IGSF21: variants seen among roughly 807,000 people sequenced by gnomAD.
The protein encoded by IGSF21 is immunoglobulin superfamily member 21.
Under a neutral mutation model 46.8 loss-of-function variants are expected in IGSF21, and 28 were observed. The ratio of observed to expected loss-of-function variants is 0.60; its 90% CI spans 0.44 to 0.82. The LOEUF (loss-of-function observed/expected upper bound fraction) is 0.82. Among genes scored for constraint, IGSF21 ranks in the 40% least tolerant of loss-of-function variants. The pLI is 0.00. For missense variants in IGSF21, 624 were observed against 665.5 expected, an observed-to-expected ratio of 0.94 and a Z score of 0.69; for synonymous variants, 284 against 273.6, an observed-to-expected ratio of 1.04 and a Z score of -0.38.
chr1:18,372,853 GAT>G (rs1372952513), intron 6 of IGSF21, among the ~76,000 whole-genome samples: 2,074 of 94,670 alleles, frequency 0.022, 42 homozygotes, highest in African/African-American at 0.094. Context: ...TGGATGGATG[GAT>G]GGATGGATGG....
At chr1:18,358,578 A>G (rs1394690120) in intron 4 of IGSF21, among the ~76,000 whole-genome samples, 1 of 152,214 alleles carries the variant, frequency 6.6e-6, no homozygotes, top group African/African-American at 2.4e-5. Flanking sequence ...GAATGCTCCA[A>G]AGGTACGACC....
chr1:18,159,988 T>C (rs2086602926), intron 1 of IGSF21, among the ~76,000 whole-genome samples: 1 of 152,202 alleles, frequency 6.6e-6, no homozygotes, highest in Non-Finnish European at 1.5e-5. Flanking sequence ...GCCCTGGGTA[T>C]GTCTTTATTA....
At chr1:18,266,710 G>C in intron 2 of IGSF21, among the ~76,000 whole-genome samples, 1 of 152,228 alleles carries the variant, frequency 6.6e-6, no homozygotes, top group East Asian at 1.9e-4. Flanking sequence ...CCAGGTCCAA[G>C]GAGCAGAGAA....
intron 4 of IGSF21, among the ~76,000 whole-genome samples, chr1:18,357,044 G>T (rs1420922695): frequency 6.6e-6 from 1 of 151,768 alleles, no homozygotes; most frequent in Non-Finnish European, 1.5e-5. Context: ...GATGGGGAAG[G>T]GGATGTGGAT....
At chr1:18,176,531 G>A (rs1375227213) in intron 1 of IGSF21, among the ~76,000 whole-genome samples, 1 of 152,202 alleles carries the variant, frequency 6.6e-6, no homozygotes, top group Non-Finnish European at 1.5e-5. Context: ...AATCTAATAA[G>A]TAGGGCATCT....
intron 2 of IGSF21, among the ~76,000 whole-genome samples, chr1:18,265,411 A>T (rs76908160): frequency 0.033 from 5,042 of 152,192 alleles, 285 homozygotes; most frequent in African/African-American, 0.11. Flanking sequence ...TCAGGCAAAA[A>T]TTCTCACCTC....
chr1:18,148,496 A>T (rs2086491318), intron 1 of IGSF21, among the ~76,000 whole-genome samples: 1 of 152,204 alleles, frequency 6.6e-6, no homozygotes, highest in South Asian at 2.1e-4. Context: ...GGAGAAGCTA[A>T]GTCACTTGCC....
chr1:18,371,665 T>C (rs555631055), intron 6 of IGSF21, among the ~76,000 whole-genome samples: 15 of 152,062 alleles, frequency 9.9e-5, no homozygotes, highest in African/African-American at 3.4e-4. Context: ...AAAAAATAAA[T>C]ATCCATTGAT....
intron 2 of IGSF21, among the ~76,000 whole-genome samples, chr1:18,275,394 A>C (rs189425065): frequency 5.3e-5 from 8 of 152,294 alleles, no homozygotes; most frequent in Non-Finnish European, 1.2e-4. Context: ...TTCCCGTCTC[A>C]GCAATCCCGT....
chr1:18,124,617 G>A (rs1356605693), intron 1 of IGSF21, among the ~76,000 whole-genome samples: 4 of 152,132 alleles, frequency 2.6e-5, no homozygotes, highest in African/African-American at 4.8e-5. Context: ...AGGTGGCCCC[G>A]GACCCCGTGG....
chr1:18,162,066 T>C (rs1263215494), intron 1 of IGSF21, among the ~76,000 whole-genome samples: 1 of 152,080 alleles, frequency 6.6e-6, no homozygotes, highest in African/African-American at 2.4e-5. Flanking sequence ...TGAGACAGGG[T>C]GTCACTCTAT....
intron 1 of IGSF21, among the ~76,000 whole-genome samples, chr1:18,132,967 C>G (rs1362873187): frequency 1.3e-5 from 2 of 150,110 alleles, no homozygotes; most frequent in Non-Finnish European, 3.0e-5. Flanking sequence ...TTTCTTCTTG[C>G]CAGACCAGTG....
chr1:18,323,990 T>A (rs1352787528), intron 3 of IGSF21, among the ~76,000 whole-genome samples: 1 of 152,086 alleles, frequency 6.6e-6, no homozygotes, highest in Non-Finnish European at 1.5e-5. Flanking sequence ...CCAGGCCCCC[T>A]GTCCAGCGCT....
In IGSF21 at chr1:18,360,433, C is replaced by T. The variant is rs375694202; in HGVS notation, c.425-1682C>T. ...GAAATAGAGTTGCCCGTGTGTCTGT[C>T]GCCCCCACCTGACTGTGAACTTTGC... is the stretch of plus-strand genomic sequence containing the variant. On this transcript the variant is annotated intron_variant, in intron 4 of 9. Coordinates refer to ENST00000251296, the MANE Select transcript of IGSF21 (RefSeq NM_032880.5). Among the ~76,000 whole-genome samples, 19 of 152,234 alleles carry T rather than the reference C, an allele frequency of 1.2e-4. No individual in the cohort carries two copies. In the Middle Eastern group the frequency reaches 0.01, roughly 82 times the overall value.
chr1:18,136,106 G>A (rs893781335), intron 1 of IGSF21, among the ~76,000 whole-genome samples: 22 of 152,186 alleles, frequency 1.4e-4, no homozygotes, highest in African/African-American at 5.3e-4. Flanking sequence ...TTTTGATGGG[G>A]TTGTTTTTTT....
At chr1:18,252,830 C>G (rs2084855586) in intron 2 of IGSF21, among the ~76,000 whole-genome samples, 1 of 152,204 alleles carries the variant, frequency 6.6e-6, no homozygotes, top group African/African-American at 2.4e-5. Flanking sequence ...CTTGAGTTAG[C>G]TACTTACCCT....
chr1:18,307,244 C>T (rs762907635), intron 3 of IGSF21, among the ~76,000 whole-genome samples: 13 of 152,092 alleles, frequency 8.5e-5, no homozygotes, highest in Non-Finnish European at 1.6e-4. Flanking sequence ...CTCCTCCTCC[C>T]CAACCCTGCC....
At chr1:18,172,318 T>A (rs532112139) in intron 1 of IGSF21, among the ~76,000 whole-genome samples, 2 of 152,360 alleles carry the variant, frequency 1.3e-5, no homozygotes, top group South Asian at 4.1e-4. Flanking sequence ...GGCACTTATG[T>A]ACATATTACT....
At chr1:18,367,799 T>A (rs1209368135) in intron 6 of IGSF21, among the ~76,000 whole-genome samples, 5 of 151,276 alleles carry the variant, frequency 3.3e-5, no homozygotes, top group Admixed American at 6.6e-5. Flanking sequence ...GAGGTGGGGT[T>A]TCACCATATC....
Sources: allele counts gnomAD v4.1 joint callset (sites outside exome capture counted in the v4.1 genomes callset), GRCh38; gene constraint gnomAD v4.1.1; transcripts MANE v1.5; gene names NCBI Gene and HGNC (gene_info 2026-07-23, HGNC 2026-07-21).